The following LRRC7 variants were observed in gnomAD, a reference collection of about 807,000 sequenced individuals.
LRRC7 encodes the protein leucine rich repeat containing 7, also known as leucine-rich repeat-containing protein 7.
A neutral mutation model predicts 175.7 loss-of-function variants in LRRC7; 23 were observed. The ratio of observed to expected loss-of-function variants is 0.13; its 90% CI spans 0.09 to 0.19. The LOEUF (loss-of-function observed/expected upper bound fraction) is 0.19, where lower values mean the gene tolerates loss of function less well. Among genes scored for constraint, LRRC7 ranks in the 10% least tolerant of loss-of-function variants. LRRC7 has a pLI of 1.00. For synonymous variants in LRRC7, 685 were observed against 680.9 expected, an observed-to-expected ratio of 1.01 and a Z score of -0.09; for missense variants, 1,354 against 1,904.7, an observed-to-expected ratio of 0.71 and a Z score of 5.38.
At chr1:69,726,701 G>A (rs925697185) in intron 2 of LRRC7, among the ~76,000 whole-genome samples, 1 of 151,924 alleles carries the variant, frequency 6.6e-6, no homozygotes, top group Non-Finnish European at 1.5e-5. Context: ...GAAGAGAATA[G>A]AGAGCAAAAC....
rs376367677 is a variant in LRRC7 at position 70,036,218 on chromosome 1, G to A, written c.2093G>A (p.Gly698Glu). The A allele has an allele frequency of 8.7e-6, 14 of 1,611,558 alleles. No individual in the cohort carries two copies. Among genetic ancestry groups the A allele is most frequent in the Non-Finnish European group, 1.2e-5 (14 of 1,179,140 alleles). ...PLYPPKLVLL[G>E]KDKKESTDES... Reference sequence around the variant, plus strand: ...TACCCACCCAAACTTGTTCTGCTAGGGAAGGACAAAAAAGGTAACACTGTG... The same window carrying A: ...TACCCACCCAAACTTGTTCTGCTAGAGAAGGACAAAAAAGGTAACACTGTG... Residue 698 changes from glycine to glutamate, a missense_variant, in exon 19 of 27, where the codon GGG becomes GAG. By Grantham distance (98) the Gly-to-Glu change is moderately conservative. Around this residue, in one of 4 missense-constraint regions of LRRC7, gnomAD observed 1,032 missense variants for 1,227.2 expected, o/e 0.84. Coordinates refer to ENST00000651989, the MANE Select transcript of LRRC7 (RefSeq NM_001370785.2).
chr1:69,705,280 GC>G (rs1207685897), intron 2 of LRRC7, among the ~76,000 whole-genome samples: 1 of 152,088 alleles, frequency 6.6e-6, no homozygotes, highest in Admixed American at 6.6e-5. Flanking sequence ...AGAAAATGAA[GC>G]CCACAGCTGT....
chr1:69,892,293 G>A (rs1645859043), intron 7 of LRRC7, among the ~76,000 whole-genome samples: 1 of 152,062 alleles, frequency 6.6e-6, no homozygotes, highest in African/African-American at 2.4e-5. Context: ...TAAAAACAGT[G>A]GTAGAAATAA....
chr1:69,755,293 A>G (rs376886939), intron 2 of LRRC7, among the ~76,000 whole-genome samples: 16 of 151,480 alleles, frequency 1.1e-4, no homozygotes, highest in African/African-American at 3.9e-4. Flanking sequence ...TTCCTAATGC[A>G]TCTATTCTTG....
At chr1:69,727,269 G>C (rs1387394595) in intron 2 of LRRC7, among the ~76,000 whole-genome samples, 1 of 152,160 alleles carries the variant, frequency 6.6e-6, no homozygotes, top group Non-Finnish European at 1.5e-5. Flanking sequence ...ATCCTGCAAG[G>C]GATCTGGGAT....
intron 7 of LRRC7, among the ~76,000 whole-genome samples, chr1:69,891,912 T>C (rs1267689083): frequency 6.6e-6 from 1 of 151,908 alleles, no homozygotes; most frequent in Non-Finnish European, 1.5e-5. Flanking sequence ...AAAAATGAAA[T>C]ACCTGTGAAG....
chr1:69,957,855 T>C (rs1570800657), intron 8 of LRRC7, among the ~76,000 whole-genome samples: 1 of 152,080 alleles, frequency 6.6e-6, no homozygotes, highest in Admixed American at 6.6e-5. Context: ...TTATTTGTTT[T>C]CCACTCAGTG....
intron 8 of LRRC7, among the ~76,000 whole-genome samples, chr1:69,965,459 T>A (rs1651561176): frequency 6.6e-6 from 1 of 152,138 alleles, no homozygotes. Context: ...GCTTATGGCT[T>A]AAAGTGTTTT....
chr1:69,859,175 T>G (rs568847687), intron 7 of LRRC7, among the ~76,000 whole-genome samples: 1 of 152,154 alleles, frequency 6.6e-6, no homozygotes, highest in Admixed American at 6.6e-5. Context: ...ATACAACTTA[T>G]AATGTTGCAC....
At chr1:69,938,131 T>C (rs1223806078) in intron 8 of LRRC7, among the ~76,000 whole-genome samples, 1 of 152,068 alleles carries the variant, frequency 6.6e-6, no homozygotes, top group Non-Finnish European at 1.5e-5. Flanking sequence ...AAACAATATT[T>C]AATTTTTTAA....
intron 11 of LRRC7, among the ~76,000 whole-genome samples, chr1:69,997,885 G>A (rs575482881): frequency 3.9e-5 from 6 of 152,204 alleles, no homozygotes; most frequent in East Asian, 3.9e-4. Context: ...ATCTCTGCCC[G>A]GCTTTGGTAT....
At chr1:69,782,897 A>C (rs1193648422) in intron 3 of LRRC7, among the ~76,000 whole-genome samples, 1 of 152,222 alleles carries the variant, frequency 6.6e-6, no homozygotes, top group Non-Finnish European at 1.5e-5. Flanking sequence ...ATGCATGCAC[A>C]TGTGCATATG....
intron 7 of LRRC7, among the ~76,000 whole-genome samples, chr1:69,909,414 G>A (rs1350846005): frequency 6.6e-6 from 1 of 152,138 alleles, no homozygotes; most frequent in Non-Finnish European, 1.5e-5. Context: ...GGTACCGGTT[G>A]TTCCTTTCCA....
intron 8 of LRRC7, among the ~76,000 whole-genome samples, chr1:69,943,149 T>G (rs1402514851): frequency 6.6e-6 from 1 of 152,096 alleles, no homozygotes; most frequent in Non-Finnish European, 1.5e-5. Flanking sequence ...AACTCATACA[T>G]GAATATGCAA....
chr1:69,967,528 C>G (rs1250328864), intron 8 of LRRC7, among the ~76,000 whole-genome samples: 5 of 152,142 alleles, frequency 3.3e-5, no homozygotes, highest in Admixed American at 3.3e-4. Flanking sequence ...ACCACCAAAG[C>G]TAAGGAACCT....
intron 8 of LRRC7, among the ~76,000 whole-genome samples, chr1:69,934,937 C>A (rs1302621862): frequency 6.6e-6 from 1 of 152,192 alleles, no homozygotes; most frequent in East Asian, 1.9e-4. Flanking sequence ...AAGGCCCCAA[C>A]AACTCTACCA....
chr1:69,879,212 TA>T (rs201332183), intron 7 of LRRC7, among the ~76,000 whole-genome samples: 947 of 91,950 alleles, frequency 0.01, 19 homozygotes, highest in African/African-American at 0.041. Context: ...AAAACTGCTT[TA>T]AAAAAAAAAA....
intron 8 of LRRC7, among the ~76,000 whole-genome samples, chr1:69,959,304 G>A (rs999651372): frequency 2.0e-5 from 3 of 152,028 alleles, no homozygotes; most frequent in Non-Finnish European, 2.9e-5. Flanking sequence ...TGTTCATAAC[G>A]ATGAACTGTT....
At chr1:69,779,423 A>G (rs754528446) in intron 3 of LRRC7, among the ~76,000 whole-genome samples, 6 of 152,214 alleles carry the variant, frequency 3.9e-5, no homozygotes, top group Non-Finnish European at 8.8e-5. Flanking sequence ...GCTTGCTACC[A>G]TCACATAAAG....
Sources: allele counts gnomAD v4.1 joint callset (sites outside exome capture counted in the v4.1 genomes callset), GRCh38; gene constraint gnomAD v4.1.1; regional missense constraint gnomAD v4.1.1; transcripts MANE v1.5; gene names NCBI Gene and HGNC (gene_info 2026-07-23, HGNC 2026-07-21).